Variants in IPP observed in about 807,000 individuals in gnomAD.
IPP encodes the protein actin-binding protein IPP.
IPP carries 41 observed loss-of-function variants against 64.1 expected under a neutral mutation model. The observed-to-expected ratio is 0.64, with a 90% CI of 0.50 to 0.83. The LOEUF is 0.83. IPP is among the 40% of genes least tolerant of loss of function. The pLI is 0.00. For missense variants in IPP, 649 were observed against 703.0 expected (o/e 0.92, Z 0.87); for synonymous variants, 214 against 235.2 (o/e 0.91, Z 0.83).
intron 5 of IPP, among the ~76,000 whole-genome samples, chr1:45,721,280 C>T (rs891096081): frequency 1.3e-5 from 2 of 152,186 alleles, no homozygotes; most frequent in South Asian, 2.1e-4. Flanking sequence ...GTAAGAGTGG[C>T]TCACTGTGCT....
chr1:45,696,807 C>G (rs969805865), downstream of IPP: 1 of 152,208 alleles, frequency 6.6e-6, no homozygotes, highest in East Asian at 1.9e-4. Context: ...CAAAACCAAT[C>G]TTGTCATTAC....
chr1:45,721,580 G>A (rs1305580325), intron 5 of IPP, among the ~76,000 whole-genome samples: 2 of 152,142 alleles, frequency 1.3e-5, no homozygotes, highest in Non-Finnish European at 2.9e-5. Context: ...TTTTCCTTTG[G>A]CTGATTTTGT....
rs1445308603 is a variant in IPP, at chr1:45,741,128, A to G, written c.497T>C (p.Phe166Ser). Residue 166 changes from phenylalanine to serine, a missense_variant, in exon 3 of 9, where the codon TTC becomes TCC. Coordinates refer to ENST00000396478, the MANE Select transcript of IPP (RefSeq NM_005897.3). ...CTCTTCTCCACTATGAACCTCCAAG[A>G]AATGGACATGAATGTAGTTTTCTGA... is the stretch of plus-strand genomic sequence containing the variant. ...EFSENYIHVH[F>S]LEVHSGEEFL... 7 of 1,614,184 alleles carry G rather than the reference A, an allele frequency of 4.3e-6. No individual in the cohort carries two copies. The South Asian group carries it at 4.4e-5, about 10-fold the overall frequency.
At chr1:45,731,937 G>A (rs188786871) in intron 3 of IPP, among the ~76,000 whole-genome samples, 300 of 149,540 alleles carry the variant, frequency 2.0e-3, no homozygotes, top group Non-Finnish European at 3.3e-3. Flanking sequence ...ACTCCGTCTC[G>A]GGGGAAAAAG....
downstream of IPP, among the ~76,000 whole-genome samples, chr1:45,695,183 T>C (rs1416321541): frequency 6.6e-6 from 1 of 152,138 alleles, no homozygotes; most frequent in African/African-American, 2.4e-5. Context: ...TTGTTTTGTT[T>C]AAACGCAGGG....
intron 5 of IPP, among the ~76,000 whole-genome samples, chr1:45,724,013 G>T (rs28594599): frequency 7.0e-5 from 10 of 143,424 alleles, no homozygotes; most frequent in Admixed American, 2.1e-4. Context: ...CTCCTTCCAC[G>T]GTCTCCCTCT....
chr1:45,734,867 C>T (rs1332198230), intron 3 of IPP, among the ~76,000 whole-genome samples: 1 of 152,192 alleles, frequency 6.6e-6, no homozygotes, highest in Admixed American at 6.5e-5. Context: ...CCAACCTCCA[C>T]CTCCCAGGTT....
At chr1:45,725,504 G>A (rs534839816) in intron 5 of IPP, among the ~76,000 whole-genome samples, 9 of 140,232 alleles carry the variant, frequency 6.4e-5, no homozygotes, top group African/African-American at 2.3e-4. Flanking sequence ...GCCCCATCCG[G>A]GAGGTGAGGG....
rs771036886 is a variant in IPP, at chr1:45,746,260, T to C, written c.152A>G (p.His51Arg). ...LQVGQESFKA[H>R]RLVLAASSPY... ...ACTGCTGGCAGCCAAAACCAGCCGA[T>C]GAGCTTTAAAACTTTCCTGTCCAAC... The change falls in exon 2 of 9, where the codon CAT (histidine) becomes CGT (arginine). Residue 51 changes from histidine (H) to arginine (R), a missense_variant. Coordinates refer to ENST00000396478, the MANE Select transcript of IPP (RefSeq NM_005897.3). The C allele has an allele frequency of 5.0e-6, 8 of 1,613,892 alleles. No homozygotes were observed. The East Asian group carries it at 1.3e-4, about 27-fold the overall frequency.
At chr1:45,718,696 A>G (rs1645692255) in intron 6 of IPP, among the ~76,000 whole-genome samples, 1 of 152,340 alleles carries the variant, frequency 6.6e-6, no homozygotes, top group East Asian at 1.9e-4. Context: ...AAAGAGGGAA[A>G]GAACATCTCC....
chr1:45,741,187 A>C lies in IPP; in HGVS notation c.438T>G (p.Ser146=), dbSNP rs752381926. Residue 146 remains serine (S), a synonymous_variant, in exon 3 of 9, where the codon TCT becomes TCG. Transcript: ENST00000396478. ...AGAGATCATGGCAGGCAATTTGCTC[A>C]GAGAACTGAAAAATTCCAATGCAGT... ...PLNCIGIFQF[S]EQIACHDLLE... 3 of 1,614,214 alleles carry C rather than the reference A, an allele frequency of 1.9e-6. No homozygotes were observed. Among genetic ancestry groups the C allele is most frequent in the South Asian group, 2.2e-5 (2 of 91,088 alleles).
At chr1:45,717,221 GAAAAAAA>G (rs56338317) in intron 6 of IPP, among the ~76,000 whole-genome samples, 359 of 95,262 alleles carry the variant, frequency 3.8e-3, no homozygotes, top group Admixed American at 5.9e-3. Flanking sequence ...GCTCTTTTGA[GAAAAAAA>G]AAAAAAAAAA....
chr1:45,714,404 A>G lies in IPP; in HGVS notation c.1372T>C (p.Tyr458His). The change falls in exon 8 of 9, where the codon TAT (tyrosine) becomes CAT (histidine). Residue 458 changes from tyrosine (Y) to histidine (H), a missense_variant. Transcript: ENST00000396478. ...EGIELRSFEVYDPLSKRWSPL... is the reference protein window; with the variant it reads ...EGIELRSFEVHDPLSKRWSPL... ...GACCAACGCTTAGAAAGTGGATCATAGACTTCAAAAGAACGAAGTTCTATT... is the reference window on the plus strand; with the variant it reads ...GACCAACGCTTAGAAAGTGGATCATGGACTTCAAAAGAACGAAGTTCTATT... 1 of 1,614,130 alleles carries G rather than the reference A, an allele frequency of 6.2e-7. No individual in the cohort carries two copies. The highest frequency in any genetic ancestry group is 1.1e-5 in the South Asian group (1 of 91,084).
intron 8 of IPP, 77 bp from the exon 9 acceptor site, chr1:45,700,267 A>T: frequency 1.5e-5 from 23 of 1,507,278 alleles, no homozygotes; most frequent in Middle Eastern, 2.0e-4. Flanking sequence ...GAAATTCGAT[A>T]TCCCAGTTCT....
chr1:45,696,370 CAA>C (rs1395967832), downstream of IPP, among the ~76,000 whole-genome samples: 1 of 152,152 alleles, frequency 6.6e-6, no homozygotes, highest in Non-Finnish European at 1.5e-5. Flanking sequence ...AAAGTTAAAA[CAA>C]AACCAACTAA....
intron 1 of IPP, among the ~76,000 whole-genome samples, chr1:45,747,866 A>G (rs1646161377): frequency 6.8e-6 from 1 of 147,608 alleles, no homozygotes; most frequent in African/African-American, 2.5e-5. Context: ...AAAAAAAAAA[A>G]ACCATGAGAT....
intron 7 of IPP, among the ~76,000 whole-genome samples, chr1:45,714,880 A>G (rs1645636935): frequency 6.6e-6 from 1 of 152,204 alleles, no homozygotes; most frequent in African/African-American, 2.4e-5. Context: ...TCAGATGGAC[A>G]TAAAGTAGGG....
chr1:45,719,977 C>T (rs1034193764), intron 5 of IPP, among the ~76,000 whole-genome samples: 1 of 152,178 alleles, frequency 6.6e-6, no homozygotes, highest in Non-Finnish European at 1.5e-5. Context: ...CCGCCTCAGC[C>T]TCCCAAAGTG....
intron 8 of IPP, among the ~76,000 whole-genome samples, chr1:45,713,318 T>C (rs1212958915): frequency 6.6e-6 from 1 of 152,008 alleles, no homozygotes; most frequent in Non-Finnish European, 1.5e-5. Context: ...CCCAGCACTT[T>C]GGGAGGCTGA....
Sources: gnomAD v4.1 joint callset for allele counts (sites outside exome capture counted in the v4.1 genomes callset) on GRCh38, gnomAD v4.1.1 for gene constraint, MANE v1.5 for transcripts, NCBI Gene and HGNC (gene_info 2026-07-23, HGNC 2026-07-21) for gene names.